MBP: variants seen among roughly 807,000 people sequenced by gnomAD.
MBP encodes the protein Golli-MBP.
In MBP, 16 loss-of-function variants were observed where a neutral mutation model predicts 35.8. The ratio of observed to expected loss-of-function variants is 0.45; its 90% CI spans 0.30 to 0.68. The LOEUF is 0.68. Among genes scored for constraint, MBP ranks in the 30% least tolerant of loss-of-function variants. The pLI, the probability that MBP is intolerant of heterozygous loss-of-function variation, is 0.08. For missense variants in MBP, 380 were observed against 404.7 expected (o/e 0.94, Z 0.52); for synonymous variants, 143 against 159.6 (o/e 0.90, Z 0.78).
intron 2 of MBP, among the ~76,000 whole-genome samples, chr18:77,086,237 G>A (rs1004590202): frequency 2.0e-5 from 3 of 152,194 alleles, no homozygotes; most frequent in African/African-American, 7.2e-5. Context: ...CCCAGACCAG[G>A]CTAATGCTTG....
intron 7 of MBP, chr18:76,986,589 A>T: frequency 6.1e-6 from 6 of 985,606 alleles, no homozygotes; most frequent in Non-Finnish European, 7.2e-6. Context: ...CAGTGAGGTG[A>T]GGGACGGGAT....
chr18:77,013,733 A>G (rs1041160116), intron 4 of MBP: 25 of 985,322 alleles, frequency 2.5e-5, no homozygotes, highest in Non-Finnish European at 2.9e-5. Flanking sequence ...AAACCTCCCT[A>G]AAAGTACACG....
chr18:76,994,658 C>T (rs1372858518), intron 4 of MBP, among the ~76,000 whole-genome samples: 3 of 152,154 alleles, frequency 2.0e-5, no homozygotes, highest in Non-Finnish European at 4.4e-5. Flanking sequence ...TTAAGGTACA[C>T]ATGATGTTGG....
intron 4 of MBP, chr18:77,015,622 TCAGA>T: frequency 1.0e-6 from 1 of 985,356 alleles, no homozygotes. Flanking sequence ...AAATCTCAAC[TCAGA>T]CAGATGGTAG....
intron 1 of MBP, among the ~76,000 whole-genome samples, chr18:77,126,714 A>G (rs886976298): frequency 1.3e-5 from 2 of 152,232 alleles, no homozygotes; most frequent in African/African-American, 2.4e-5. Context: ...TGACACATAA[A>G]AATTACTCAC....
At chr18:76,985,760 C>T (rs977789326) in intron 7 of MBP, 2 of 1,002,672 alleles carry the variant, frequency 2.0e-6, no homozygotes, top group Non-Finnish European at 2.4e-6. Flanking sequence ...TCAGTTTCCT[C>T]ATCTACGCAA....
intron 4 of MBP, among the ~76,000 whole-genome samples, chr18:77,001,969 A>T (rs1970664352): frequency 6.6e-6 from 1 of 152,224 alleles, no homozygotes; most frequent in Admixed American, 6.5e-5. Flanking sequence ...ATCATTAGAG[A>T]TGATCTGCCT....
At chr18:77,089,252 G>A (rs971904698) in intron 2 of MBP, among the ~76,000 whole-genome samples, 1 of 152,134 alleles carries the variant, frequency 6.6e-6, no homozygotes, top group African/African-American at 2.4e-5. Flanking sequence ...TCCCTCCCTC[G>A]GGCTGTGAGT....
intron 4 of MBP, chr18:77,016,203 A>C: frequency 7.1e-6 from 7 of 984,814 alleles, no homozygotes; most frequent in Non-Finnish European, 8.4e-6. Context: ...TTGAATAAAG[A>C]AACTTCTAAG....
chr18:77,069,763 C>A (rs1052394040), intron 2 of MBP, among the ~76,000 whole-genome samples: 5 of 152,156 alleles, frequency 3.3e-5, no homozygotes, highest in Non-Finnish European at 5.9e-5. Flanking sequence ...GTGTCCTGTG[C>A]GCCAGCTTGT....
chr18:77,038,949 T>C (rs1972878406), intron 3 of MBP, among the ~76,000 whole-genome samples: 2 of 152,242 alleles, frequency 1.3e-5, no homozygotes. Flanking sequence ...AAACTATGCC[T>C]CGGGGCCAAA....
chr18:77,097,592 C>T (rs910048581), intron 2 of MBP: 1 of 152,202 alleles, frequency 6.6e-6, no homozygotes, highest in Non-Finnish European at 1.5e-5. Flanking sequence ...CAGCCTGAGA[C>T]AATTCCAACC....
intron 7 of MBP, chr18:76,986,798 AT>A (rs1969583474): frequency 1.0e-6 from 1 of 985,470 alleles, no homozygotes; most frequent in Non-Finnish European, 1.2e-6. Flanking sequence ...AAAATAAAGC[AT>A]TTTTGAGAGC....
chr18:76,985,079 G>A (rs12953723), intron 7 of MBP, 185 bp from the exon 8 acceptor site: 2 of 1,507,060 alleles, frequency 1.3e-6, no homozygotes, highest in African/African-American at 2.8e-5. Flanking sequence ...TGCTCCCCCA[G>A]GTCTACCAGG....
chr18:77,017,311 T>G, intron 3 of MBP, 43 bp from the exon 4 acceptor site: 1 of 1,473,558 alleles, frequency 6.8e-7, no homozygotes, highest in Non-Finnish European at 9.0e-7. Flanking sequence ...TGTGCAAAGC[T>G]GAGCACCGGA....
Position 76,984,777 on chromosome 18 carries a change from G to A in MBP, c.868C>T (p.Leu290=), listed in dbSNP as rs1381150031. Residue 290 remains leucine, a splice_region_variant and synonymous_variant, in exon 8 of 9, where the codon CTG becomes TTG. Transcript: ENST00000355994. ...GAGCTGAGCAGAGGGTACCTTACCA[G>A]CTTAAAAATTTTGGAAAGCGTGCCC... is the stretch of plus-strand genomic sequence containing the variant. ...AQGTLSKIFK[L]GGRDSRSGSP... 1 of 1,613,956 alleles carries A rather than the reference G, an allele frequency of 6.2e-7. No homozygotes were observed. Among genetic ancestry groups the A allele is most frequent in the Admixed American group, 1.7e-5 (1 of 60,020 alleles).
chr18:77,099,570 T>A (rs1568339319), intron 2 of MBP, among the ~76,000 whole-genome samples: 2 of 152,230 alleles, frequency 1.3e-5, no homozygotes, highest in African/African-American at 4.8e-5. Context: ...AAGGATCGTT[T>A]CTGCCCGGCT....
intron 3 of MBP, among the ~76,000 whole-genome samples, chr18:77,062,938 G>T (rs145769666): frequency 6.6e-6 from 1 of 152,072 alleles, no homozygotes; most frequent in African/African-American, 2.4e-5. Flanking sequence ...CACATTCCTC[G>T]CTCATTCTTC....
In MBP at chr18:76,979,803, G is replaced by A. The variant is rs1361136951; in HGVS notation, c.*624C>T. ...GGTGTGTGGGCAGCCACGGCCTGGG[G>A]AGGTGGCCCCCTCTCTGTGCTGCCC... is the stretch of plus-strand genomic sequence containing the variant. On this transcript the variant is annotated 3_prime_UTR_variant, in exon 9 of 9. Coordinates refer to ENST00000355994, the MANE Select transcript of MBP (RefSeq NM_001025101.2). 3.3e-6 allele frequency: 2 copies of A among 604,090 alleles called. No individual in the cohort carries two copies. Among genetic ancestry groups the A allele is most frequent in the East Asian group, 5.6e-5 (2 of 35,794 alleles). 37.4% of individuals were successfully genotyped at this position (604,090 alleles called of 1,614,324 possible).
Sources: gnomAD v4.1 joint callset for allele counts (sites outside exome capture counted in the v4.1 genomes callset) on GRCh38, gnomAD v4.1.1 for gene constraint, MANE v1.5 for transcripts, NCBI Gene and HGNC (gene_info 2026-07-23, HGNC 2026-07-21) for gene names.